The following PTGS2 variants were observed in gnomAD, a reference collection of about 807,000 sequenced individuals.
PTGS2 encodes the protein prostaglandin-endoperoxide synthase 2, also known as prostaglandin G/H synthase 2.
PTGS2 carries 14 observed loss-of-function variants against 63.8 expected under a neutral mutation model. The observed-to-expected ratio is 0.22, with a 90% CI of 0.14 to 0.34. The LOEUF (loss-of-function observed/expected upper bound fraction) is 0.34. PTGS2 is among the 10% of genes least tolerant of loss of function. PTGS2 has a pLI of 1.00. For missense variants in PTGS2, 533 were observed against 738.5 expected, an observed-to-expected ratio of 0.72 and a Z score of 3.23; for synonymous variants, 271 against 259.5, an observed-to-expected ratio of 1.04 and a Z score of -0.43.
At position 186,675,284 on chromosome 1, in the gene PTGS2, A is replaced by G. The variant is rs1274936592; in HGVS notation, c.1370T>C (p.Met457Thr). The change falls in exon 9 of 10, where the codon ATG becomes ACG. Residue 457 changes from methionine to threonine, a missense_variant. By Grantham distance (81) the Met-to-Thr change is moderately conservative. Around this residue, in one of 5 missense-constraint regions of PTGS2, gnomAD observed 219 missense variants for 267.4 expected, o/e 0.82. Transcript: ENST00000367468. Reference sequence around the variant, plus strand: ...TTCAAATGATTCATAGGGCTTCAGCATAAAGCGTTTGCGGTACTCATTAAA... The same window carrying G: ...TTCAAATGATTCATAGGGCTTCAGCGTAAAGCGTTTGCGGTACTCATTAAA... Reference protein sequence around the residue: ...QSFNEYRKRFMLKPYESFEEL... With the variant: ...QSFNEYRKRFTLKPYESFEEL... The G allele has an allele frequency of 6.2e-7, 1 of 1,613,976 alleles. No individual in the cohort carries two copies. Among genetic ancestry groups the G allele is most frequent in the Non-Finnish European group, 8.5e-7 (1 of 1,180,016 alleles).
intron 4 of PTGS2, 72 bp downstream of exon 4, chr1:186,678,189 C>A: frequency 7.1e-7 from 1 of 1,404,540 alleles, no homozygotes; most frequent in South Asian, 1.6e-5. Context: ...AGTCTAAGGT[C>A]AATTTTTTTT....
At chr1:186,680,206 C>A (rs946071970) in intron 1 of PTGS2, 33 bp downstream of exon 1, 10 of 1,549,604 alleles carry the variant, frequency 6.5e-6, no homozygotes, top group African/African-American at 4.1e-5. Flanking sequence ...TGCGTGGAAC[C>A]GGAGTCCCCG....
chr1:186,673,756 A>C lies in PTGS2; in HGVS notation c.*597T>G, dbSNP rs1469212354. ...GTATATGTACAAGTTTAATAACTTT[A>C]AGAAATCAAACAAGCTTTTACAGGT... On this transcript the variant is annotated 3_prime_UTR_variant, in exon 10 of 10. Coordinates refer to ENST00000367468, the MANE Select transcript of PTGS2 (RefSeq NM_000963.4). 1 of 152,230 alleles carries C rather than the reference A, an allele frequency of 6.6e-6. No individual in the cohort carries two copies. The highest frequency in any genetic ancestry group is 1.5e-5 in the Non-Finnish European group (1 of 68,024). 9.4% of individuals were successfully genotyped at this position (152,230 alleles called of 1,614,324 possible). A position where few individuals can be genotyped will look rare whatever the true frequency, so the allele number is the denominator to read the frequency against.
intron 4 of PTGS2, 22 bp downstream of exon 4, chr1:186,678,239 C>T: frequency 5.0e-6 from 8 of 1,587,086 alleles, no homozygotes; most frequent in Non-Finnish European, 6.8e-6. Context: ...TAATACATCT[C>T]TAATGGATTC....
intron 1 of PTGS2, 151 bp downstream of exon 1, chr1:186,680,088 G>A (rs538796330): frequency 4.2e-6 from 5 of 1,187,066 alleles, no homozygotes; most frequent in African/African-American, 1.6e-5. Context: ...GAGTTCTTTC[G>A]AACTCTAGCG....
intron 5 of PTGS2, among the ~76,000 whole-genome samples, chr1:186,677,320 G>A (rs1380251436): frequency 6.6e-6 from 1 of 152,064 alleles, no homozygotes; most frequent in East Asian, 1.9e-4. Flanking sequence ...GCATAATCAT[G>A]GTACAATGTG....
At chr1:186,678,489 G>A (rs1665821151) in intron 3 of PTGS2, 85 bp from the exon 4 acceptor site, 6 of 1,297,588 alleles carry the variant, frequency 4.6e-6, no homozygotes, top group Non-Finnish European at 6.2e-6. Flanking sequence ...AATGTGGAAA[G>A]TGGCACCTGA....
chr1:186,676,243 C>T lies in PTGS2; in HGVS notation c.971-59G>A, dbSNP rs145051863. 2.0e-5 allele frequency: 29 copies of T among 1,485,212 alleles called. No homozygotes were observed. In the East Asian group the frequency reaches 6.0e-4, roughly 31 times the overall value. The allele number at this position is 1,485,212 out of a possible 1,614,324, so 92.0% of individuals were successfully genotyped here. A position where few individuals can be genotyped will look rare whatever the true frequency, so the allele number is the denominator to read the frequency against. ...TTGCATCTGATCACAAGCTTTCAAG[C>T]AACTGGAATGCAATTTTTAAAATTT... is the stretch of plus-strand genomic sequence containing the variant. On this transcript the variant is annotated intron_variant, in intron 7 of 9. Transcript: ENST00000367468.
chr1:186,679,514 G>A, intron 1 of PTGS2, 76 bp from the exon 2 acceptor site: 2 of 1,092,242 alleles, frequency 1.8e-6, no homozygotes, highest in Middle Eastern at 2.0e-4. Context: ...GTTTGACTAT[G>A]AATCAACTTT....
Position 186,680,333 on chromosome 1 carries a change from T to C in PTGS2, c.-43A>G, listed in dbSNP as rs1441236762. The C allele has an allele frequency of 6.9e-7, 1 of 1,450,368 alleles. No individual in the cohort carries two copies. Among genetic ancestry groups the C allele is most frequent in the South Asian group, 1.3e-5 (1 of 77,288 alleles). 89.8% of individuals were successfully genotyped at this position (1,450,368 alleles called of 1,614,324 possible). A position where few individuals can be genotyped will look rare whatever the true frequency, so the allele number is the denominator to read the frequency against. On this transcript the variant is annotated 5_prime_UTR_variant, in exon 1 of 10. Transcript: ENST00000367468. ...CGCGGCGCGGGGGTAGGCTTTGCTG[T>C]CTGAGGGCGTCTGGCTGTGGAGCTG...
rs1665729523 is a variant in PTGS2 at position 186,673,667 on chromosome 1, A to G, written c.*686T>C. 1 of 152,204 alleles carries G rather than the reference A, an allele frequency of 6.6e-6. No individual in the cohort carries two copies. Among genetic ancestry groups the G allele is most frequent in the Non-Finnish European group, 1.5e-5 (1 of 68,010 alleles). The allele number at this position is 152,204 out of a possible 1,614,324, so 9.4% of individuals were successfully genotyped here. ...GGAACATCACTTATAAAATATTTTAACAAGCAATTGTAGTAAAATTTCTAC... is the reference window on the plus strand; with the variant it reads ...GGAACATCACTTATAAAATATTTTAGCAAGCAATTGTAGTAAAATTTCTAC... On this transcript the variant is annotated 3_prime_UTR_variant, in exon 10 of 10. Coordinates refer to ENST00000367468, the MANE Select transcript of PTGS2 (RefSeq NM_000963.4).
Position 186,673,370 on chromosome 1 carries a change from A to AT in PTGS2, c.*982dup, listed in dbSNP as rs1558245031. 1 of 152,180 alleles carries AT rather than the reference A, an allele frequency of 6.6e-6. No individual in the cohort carries two copies. 9.4% of individuals were successfully genotyped at this position (152,180 alleles called of 1,614,324 possible). Reference sequence around the variant, plus strand: ...AGTACCAGGCCTGCAGTGCACAAGGATAAAAAAAAGTTTGCTTCAAAAGTT... The same window carrying AT: ...AGTACCAGGCCTGCAGTGCACAAGGATTAAAAAAAAGTTTGCTTCAAAAGTT... On this transcript the variant is annotated 3_prime_UTR_variant, in exon 10 of 10. Transcript: ENST00000367468.
rs1270377952 is a variant in PTGS2, at chr1:186,672,345, G to C, written c.*2008C>G. 3 of 151,952 alleles carry C rather than the reference G, an allele frequency of 2.0e-5. No individual in the cohort carries two copies. Among genetic ancestry groups the C allele is most frequent in the African/African-American group, 7.2e-5 (3 of 41,386 alleles). The allele number at this position is 151,952 out of a possible 1,614,324, so 9.4% of individuals were successfully genotyped here. A position where few individuals can be genotyped will look rare whatever the true frequency, so the allele number is the denominator to read the frequency against. ...GGCTAATGAGACAATATTCTTTGTG[G>C]GCTAGCACATAGGCCTATCCTAAGG... On this transcript the variant is annotated 3_prime_UTR_variant, in exon 10 of 10. Transcript: ENST00000367468.
chr1:186,676,953 TGAA>T, intron 5 of PTGS2, 37 bp from the exon 6 acceptor site: 1 of 1,521,174 alleles, frequency 6.6e-7, no homozygotes, highest in Non-Finnish European at 9.0e-7. Context: ...TTGTTGCTGT[TGAA>T]GTTTTTCTTA....
In PTGS2 at chr1:186,676,628, C is replaced by G. The variant is rs756699181; in HGVS notation, c.809G>C (p.Arg270Pro). The G allele has an allele frequency of 6.2e-7, 1 of 1,614,112 alleles. No individual in the cohort carries two copies. Among genetic ancestry groups the G allele is most frequent in the Non-Finnish European group, 8.5e-7 (1 of 1,180,026 alleles). ...AAAGACCTCCTGCCCCACAGCAAAC[C>G]GTAGATGCTCAGGGACTTGAGGAGG... is the stretch of plus-strand genomic sequence containing the variant. Reference protein sequence around the residue: ...IYPPQVPEHLRFAVGQEVFGL... With the variant: ...IYPPQVPEHLPFAVGQEVFGL... Residue 270 changes from arginine (R) to proline (P), a missense_variant, in exon 7 of 10, where the codon CGG (arginine) becomes CCG (proline). Arg to Pro is a moderately radical substitution (Grantham distance 103). Transcript: ENST00000367468.
At chr1:186,678,886 G>C (rs370968480) in intron 3 of PTGS2, among the ~76,000 whole-genome samples, 172 bp downstream of exon 3, 3 of 152,192 alleles carry the variant, frequency 2.0e-5, no homozygotes, top group African/African-American at 7.2e-5. Context: ...GTATAAACTG[G>C]ATGGGACTAA....
At chr1:186,674,848 C>T (rs1041386874) in intron 9 of PTGS2, 86 bp from the exon 10 acceptor site, 3 of 1,426,232 alleles carry the variant, frequency 2.1e-6, no homozygotes, top group Admixed American at 2.3e-5. Context: ...CAATTTGCTG[C>T]CAACTTCTCT....
At chr1:186,675,108 C>T (rs1394086890) in intron 9 of PTGS2, 141 bp downstream of exon 9, 3 of 1,042,266 alleles carry the variant, frequency 2.9e-6, no homozygotes, top group Admixed American at 2.7e-5. Flanking sequence ...ACCCAGGAGG[C>T]GGAGGTTGCA....
chr1:186,676,982 A>G, intron 5 of PTGS2, 66 bp from the exon 6 acceptor site: 1 of 1,104,294 alleles, frequency 9.1e-7, no homozygotes, highest in East Asian at 2.4e-5. Flanking sequence ...AGTGTCTATC[A>G]TATAATTCAT....
Sources: allele counts gnomAD v4.1 joint callset (sites outside exome capture counted in the v4.1 genomes callset), GRCh38; gene constraint gnomAD v4.1.1; regional missense constraint gnomAD v4.1.1; transcripts MANE v1.5; gene names NCBI Gene and HGNC (gene_info 2026-07-23, HGNC 2026-07-21).